RASGEF1C: variants seen among roughly 807,000 people sequenced by gnomAD.
RASGEF1C encodes ras-GEF domain-containing family member 1C.
A neutral mutation model predicts 58.1 loss-of-function variants in RASGEF1C; 27 were observed. The observed-to-expected ratio is 0.46, with a 90% CI of 0.34 to 0.64. The LOEUF (loss-of-function observed/expected upper bound fraction) is 0.64. Ranked by LOEUF, RASGEF1C falls within the 30% of genes least tolerant of loss-of-function variation. RASGEF1C has a pLI of 0.01. For synonymous variants in RASGEF1C, 243 were observed against 246.3 expected (o/e 0.99, Z 0.13); for missense variants, 502 against 605.1 (o/e 0.83, Z 1.79).
Position 180,143,607 on chromosome 5 carries a change from G to GT in RASGEF1C, c.-6-5550dup, listed in dbSNP as rs1264230508. ...GCTGGCGTGCTCAGACCTTCCTGGT[G>GT]TAAAAGTCATCCAGGACATCCAGGA... On this transcript the variant is annotated intron_variant, in intron 1 of 13. Transcript: ENST00000361132. The surrounding 1 kb of genome is among the most constrained non-coding windows in gnomAD (Gnocchi z 4.3). 6.6e-6 allele frequency among the ~76,000 whole-genome samples: 1 copy of GT among 152,194 alleles called. No individual in the cohort carries two copies. The highest frequency in any genetic ancestry group is 1.5e-5 in the Non-Finnish European group (1 of 68,026).
chr5:180,204,390 T>G (rs1400266749), intron 1 of RASGEF1C, among the ~76,000 whole-genome samples: 3 of 152,216 alleles, frequency 2.0e-5, no homozygotes, highest in Admixed American at 6.5e-5. Context: ...AAGTGGGACT[T>G]ATTTCAGAAA....
intron 1 of RASGEF1C, among the ~76,000 whole-genome samples, chr5:180,182,223 AAAAAAAAAG>A (rs1163625876): frequency 5.4e-5 from 8 of 148,362 alleles, no homozygotes; most frequent in Non-Finnish European, 1.0e-4. Context: ...AAAAAAAAAA[AAAAAAAAAG>A]AATGAAGCCA....
intron 11 of RASGEF1C, among the ~76,000 whole-genome samples, chr5:180,111,983 A>T (rs1765966192): frequency 6.6e-6 from 1 of 152,212 alleles, no homozygotes; most frequent in African/African-American, 2.4e-5. Context: ...AGAGCAGTGC[A>T]CAGTTGTGAA....
intron 1 of RASGEF1C, among the ~76,000 whole-genome samples, chr5:180,182,244 G>A (rs915229056): frequency 2.6e-4 from 39 of 148,864 alleles, no homozygotes; most frequent in Admixed American, 5.4e-4. Context: ...ATGAAGCCAT[G>A]GACCTTCACA....
chr5:180,118,410 TGTCA>T (rs983114844), intron 10 of RASGEF1C, among the ~76,000 whole-genome samples, 195 bp downstream of exon 10: 7 of 152,178 alleles, frequency 4.6e-5, no homozygotes, highest in African/African-American at 1.7e-4. Context: ...AAGCACTTCC[TGTCA>T]GTCAGAGCTG....
At chr5:180,205,218 A>C (rs1756467657) in intron 1 of RASGEF1C, among the ~76,000 whole-genome samples, 2 of 152,154 alleles carry the variant, frequency 1.3e-5, no homozygotes, top group African/African-American at 4.8e-5. Context: ...ATAAAAACAA[A>C]AAAAAAGACT....
intron 5 of RASGEF1C, 59 bp from the exon 6 acceptor site, chr5:180,127,742 T>G (rs1766288395): frequency 2.0e-5 from 30 of 1,498,402 alleles, no homozygotes; most frequent in Non-Finnish European, 2.6e-5. Context: ...GGGTGTCCAC[T>G]GGGGGGCCTG....
rs542744739 is a variant in RASGEF1C at position 180,137,116 on chromosome 5, C to T, written c.300+474G>A. On this transcript the variant is annotated intron_variant, in intron 3 of 13. Coordinates refer to ENST00000361132, the MANE Select transcript of RASGEF1C (RefSeq NM_175062.4). This position sits in a 1 kb window ranked among gnomAD's most constrained non-coding sequence, Gnocchi z 4.1. ...TGCTGTGGTGTGAGGCCCGAGCCAG[C>T]GGTCCCTGAGATAGGGCAGGTACAC... 3.0e-3 allele frequency among the ~76,000 whole-genome samples: 452 copies of T among 152,234 alleles called. 5 individuals are homozygous for T. Among genetic ancestry groups the T allele is most frequent in the African/African-American group, 0.01 (418 of 41,542 alleles).
chr5:180,127,973 C>T (rs752216465), intron 5 of RASGEF1C, among the ~76,000 whole-genome samples: 1 of 152,196 alleles, frequency 6.6e-6, no homozygotes, highest in African/African-American at 2.4e-5. Context: ...TGGCCTGCTT[C>T]CTCTGCGGGG....
intron 1 of RASGEF1C, among the ~76,000 whole-genome samples, chr5:180,172,852 CCTCCCTGTGCCT>C (rs940612007): frequency 6.6e-6 from 1 of 152,188 alleles, no homozygotes; most frequent in Non-Finnish European, 1.5e-5. Context: ...GTGCTCCTCA[CCTCCCTGTGCCT>C]CTCCCTGTGC....
At chr5:180,128,352 T>A in intron 5 of RASGEF1C, 58 bp downstream of exon 5, 1 of 1,460,686 alleles carries the variant, frequency 6.8e-7, no homozygotes, top group Non-Finnish European at 9.6e-7. Flanking sequence ...GAGGGCACAG[T>A]GTATCTGTGT....
rs1226974734 is a variant in RASGEF1C, at chr5:180,151,875, AAAAAC to A, written c.-6-13822_-6-13818del. On this transcript the variant is annotated intron_variant, in intron 1 of 13. Transcript: ENST00000361132. ...ATGAACTCAAACAAATTTACAAGAA[AAAAAC>A]AAACAACCCCATCAAAAAGTGGGCG... Among the ~76,000 whole-genome samples the A allele has an allele frequency of 7.3e-5, 11 of 151,418 alleles. No individual in the cohort carries two copies. The East Asian group carries it at 1.4e-3, about 19-fold the overall frequency.
Position 180,114,523 on chromosome 5 carries a change from T to TGAAGAAAGGAATGACAATCTG in RASGEF1C, c.1084-3_1101dup (p.Phe367_Ser368insGlnIleValIleProPhePhe), listed in dbSNP as rs753565208. On this transcript the variant is annotated inframe_insertion, in exon 11 of 14. Transcript: ENST00000361132. ...AAGTAGATGTCTTTGATGAGCAGGC[T>TGAAGAAAGGAATGACAATCTG]GAAGAAAGGAATGACAATCTGGAAG... 2 of 1,611,620 alleles carry TGAAGAAAGGAATGACAATCTG rather than the reference T, an allele frequency of 1.2e-6. No individual in the cohort carries two copies. The highest frequency in any genetic ancestry group is 1.7e-6 in the Non-Finnish European group (2 of 1,178,374).
chr5:180,162,639 G>A (rs59063531), intron 1 of RASGEF1C, among the ~76,000 whole-genome samples: 4,479 of 152,216 alleles, frequency 0.029, 96 homozygotes, highest in South Asian at 0.091. Flanking sequence ...ACTTTTTACC[G>A]GTGTGAATTG....
intron 10 of RASGEF1C, chr5:180,115,469 CTCT>C (rs1327091439): frequency 7.4e-6 from 2 of 271,576 alleles, no homozygotes; most frequent in Middle Eastern, 4.3e-4. Context: ...CCCCCCCAGA[CTCT>C]TCACTCCTGA....
intron 11 of RASGEF1C, among the ~76,000 whole-genome samples, chr5:180,113,177 A>C (rs1273013453): frequency 3.0e-5 from 3 of 100,260 alleles, no homozygotes; most frequent in African/African-American, 1.1e-4. Context: ...GGGACCGGGG[A>C]TGGACGGAGG....
chr5:180,141,365 T>C (rs6882917), intron 1 of RASGEF1C, among the ~76,000 whole-genome samples: 144,941 of 152,324 alleles, frequency 0.95, 69,379 homozygotes, highest in East Asian at 1. Context: ...CTCCACACAG[T>C]GGGGCAGGAG....
chr5:180,177,166 G>T lies in RASGEF1C; in HGVS notation c.-7+31862C>A, dbSNP rs73813826. 3.3e-5 allele frequency among the ~76,000 whole-genome samples: 5 copies of T among 152,146 alleles called. No individual in the cohort carries two copies. The highest frequency in any genetic ancestry group is 5.9e-5 in the Non-Finnish European group (4 of 68,022). On this transcript the variant is annotated intron_variant, in intron 1 of 13. Transcript: ENST00000361132. The surrounding 1 kb of genome is among the most constrained non-coding windows in gnomAD (Gnocchi z 5.0). ...GGGGCTGGATGAGGGGCAGTGGGATGGGGGGCTGGCTGGGCTACTTCCAGA... is the reference window on the plus strand; with the variant it reads ...GGGGCTGGATGAGGGGCAGTGGGATTGGGGGCTGGCTGGGCTACTTCCAGA...
intron 1 of RASGEF1C, among the ~76,000 whole-genome samples, chr5:180,179,999 G>C (rs1043093089): frequency 1.3e-5 from 2 of 152,352 alleles, no homozygotes; most frequent in Non-Finnish European, 2.9e-5. Flanking sequence ...CGAGTGGGCA[G>C]AGAGAAGGTG....
Sources: gnomAD v4.1 joint callset for allele counts (sites outside exome capture counted in the v4.1 genomes callset) on GRCh38, gnomAD v4.1.1 for gene constraint, Gnocchi (gnomAD v3.1) non-coding constraint, MANE v1.5 for transcripts, NCBI Gene and HGNC (gene_info 2026-07-23, HGNC 2026-07-21) for gene names.